Variants in DLGAP1 observed in about 807,000 individuals in gnomAD.
DLGAP1 encodes the protein disks large-associated protein 1.
A neutral mutation model predicts 90.8 loss-of-function variants in DLGAP1; 11 were observed. That is an observed-to-expected ratio of 0.12 (90% CI 0.08 to 0.20). The LOEUF (loss-of-function observed/expected upper bound fraction) is 0.20, where lower values mean the gene tolerates loss of function less well. DLGAP1 is among the 10% of genes least tolerant of loss of function. The pLI, the probability that DLGAP1 is intolerant of heterozygous loss-of-function variation, is 1.00. For synonymous variants in DLGAP1, 558 were observed against 540.7 expected (o/e 1.03, Z -0.44); for missense variants, 1,050 against 1,333.8 (o/e 0.79, Z 3.31).
At position 3,799,762 on chromosome 18, in the gene DLGAP1, CA is replaced by C. The variant is rs1349623916; in HGVS notation, c.1172+14296del. ...AGGCAGTTAATGGATTTACCTAATT[CA>C]AAACAAAACAAAACACCTATAAATT... On this transcript the variant is annotated intron_variant, in intron 5 of 12. Transcript: ENST00000315677. Among the ~76,000 whole-genome samples, 30 of 152,124 alleles carry C rather than the reference CA, an allele frequency of 2.0e-4. 1 individual carries two copies. The Middle Eastern group carries it at 0.01, about 52-fold the overall frequency.
At chr18:4,011,379 G>C (rs983911220) in intron 2 of DLGAP1, among the ~76,000 whole-genome samples, 1 of 152,042 alleles carries the variant, frequency 6.6e-6, no homozygotes. Context: ...GTAGGTAAAA[G>C]GCTGTTTAGA....
intron 3 of DLGAP1, among the ~76,000 whole-genome samples, chr18:3,889,382 C>A (rs2071402800): frequency 6.6e-6 from 1 of 152,084 alleles, no homozygotes; most frequent in Non-Finnish European, 1.5e-5. Flanking sequence ...TTCTATACAA[C>A]TTGTTTCACA....
chr18:3,734,463 T>G (rs2062564747), intron 6 of DLGAP1, among the ~76,000 whole-genome samples: 1 of 152,162 alleles, frequency 6.6e-6, no homozygotes, highest in Non-Finnish European at 1.5e-5. Flanking sequence ...CTAGTTCCTT[T>G]TTTTTTAGTG....
At chr18:3,939,284 T>C (rs2072712666) in intron 3 of DLGAP1, among the ~76,000 whole-genome samples, 2 of 151,286 alleles carry the variant, frequency 1.3e-5, no homozygotes, top group African/African-American at 4.9e-5. Flanking sequence ...CCCTGTGTGG[T>C]GGTGGGCACC....
chr18:3,742,946 T>TTATC (rs1359376005), intron 5 of DLGAP1, among the ~76,000 whole-genome samples: 15 of 119,382 alleles, frequency 1.3e-4, no homozygotes, highest in African/African-American at 5.3e-4. Context: ...ATCTATCAAT[T>TTATC]TATCTTCCTT....
chr18:4,413,146 C>T (rs191963555), intron 1 of DLGAP1, among the ~76,000 whole-genome samples: 12 of 152,128 alleles, frequency 7.9e-5, no homozygotes, highest in African/African-American at 2.9e-4. Flanking sequence ...ACCTCGTTAT[C>T]CATCTAGACA....
At chr18:3,960,243 G>C (rs2073170368) in intron 3 of DLGAP1, among the ~76,000 whole-genome samples, 1 of 152,104 alleles carries the variant, frequency 6.6e-6, no homozygotes, top group South Asian at 2.1e-4. Context: ...CTGACTCCTT[G>C]CTGCTTCCCC....
rs77999372 is a variant in DLGAP1, at chr18:3,690,094, GTTT to G, written c.1591+39038_1591+39040del. ...AACAGTACCCTGCGGGCTGGGTGAGGTTTTTTTTTTTTTTTTTTTTTTTTGACA... is the reference window on the plus strand; with the variant it reads ...AACAGTACCCTGCGGGCTGGGTGAGGTTTTTTTTTTTTTTTTTTTTTGACA... On this transcript the variant is annotated intron_variant, in intron 7 of 12. Transcript: ENST00000315677. Among the ~76,000 whole-genome samples the G allele has an allele frequency of 7.7e-3, 897 of 116,870 alleles. 15 individuals are homozygous for G. Among genetic ancestry groups the G allele is most frequent in the African/African-American group, 0.03 (861 of 28,404 alleles). The allele number at this position is 116,870 out of a possible 152,430, so 76.7% of individuals were successfully genotyped here.
intron 1 of DLGAP1, among the ~76,000 whole-genome samples, chr18:4,363,381 C>T (rs2081674413): frequency 6.6e-6 from 1 of 152,076 alleles, no homozygotes; most frequent in Admixed American, 6.6e-5. Flanking sequence ...AAGGTGGAAG[C>T]CACATTGGCT....
intron 7 of DLGAP1, among the ~76,000 whole-genome samples, chr18:3,626,297 G>GAA (rs61225561): frequency 7.8e-6 from 1 of 127,832 alleles, no homozygotes; most frequent in African/African-American, 2.8e-5. Context: ...TCTCAAAAAA[G>GAA]AAAAAAAAAA....
At chr18:3,731,753 T>C (rs2062439821) in intron 6 of DLGAP1, among the ~76,000 whole-genome samples, 1 of 152,106 alleles carries the variant, frequency 6.6e-6, no homozygotes, top group Admixed American at 6.6e-5. Context: ...CCTTTTATCC[T>C]TTTATTTTCA....
chr18:4,295,377 G>C (rs1052166211), intron 1 of DLGAP1: 1 of 152,150 alleles, frequency 6.6e-6, no homozygotes, highest in African/African-American at 2.4e-5. Flanking sequence ...AAGATTCTTA[G>C]ATGGGCCTCA....
At chr18:3,624,444 A>C (rs1334386766) in intron 7 of DLGAP1, among the ~76,000 whole-genome samples, 1 of 152,186 alleles carries the variant, frequency 6.6e-6, no homozygotes, top group Non-Finnish European at 1.5e-5. Flanking sequence ...TGACGACTGA[A>C]TGAAAGCATT....
In DLGAP1 at chr18:3,711,405, T is replaced by G. The variant is rs1254218438; in HGVS notation, c.1591+17730A>C. Among the ~76,000 whole-genome samples the G allele has an allele frequency of 1.3e-5, 2 of 152,190 alleles. No homozygotes were observed. The highest frequency in any genetic ancestry group is 4.8e-5 in the African/African-American group (2 of 41,442). On this transcript the variant is annotated intron_variant, in intron 7 of 12. Transcript: ENST00000315677. The surrounding 1 kb of genome is among the most constrained non-coding windows in gnomAD (Gnocchi z 4.0). ...TGTTTATAAAATGTATATGCCCAAT[T>G]AGTCTATTGGAACAAAAATAGAATG...
At chr18:4,071,139 T>C (rs1186008549) in intron 2 of DLGAP1, among the ~76,000 whole-genome samples, 1 of 152,182 alleles carries the variant, frequency 6.6e-6, no homozygotes, top group African/African-American at 2.4e-5. Context: ...TATATAATTC[T>C]ATAACTATGA....
intron 7 of DLGAP1, among the ~76,000 whole-genome samples, chr18:3,728,250 TA>T (rs1250652956): frequency 6.6e-6 from 1 of 150,610 alleles, no homozygotes; most frequent in Non-Finnish European, 1.5e-5. Context: ...AGTTCAATCA[TA>T]AAGTTAAGCC....
At chr18:3,957,128 C>T (rs1178869718) in intron 3 of DLGAP1, among the ~76,000 whole-genome samples, 2 of 152,130 alleles carry the variant, frequency 1.3e-5, no homozygotes, top group Non-Finnish European at 2.9e-5. Flanking sequence ...TTATCCTGGA[C>T]GATCCATGTG....
chr18:3,799,102 C>T (rs189416270), intron 5 of DLGAP1, among the ~76,000 whole-genome samples: 1 of 152,166 alleles, frequency 6.6e-6, no homozygotes, highest in African/African-American at 2.4e-5. Flanking sequence ...GTCTTGAACT[C>T]CTGACCTCGT....
intron 2 of DLGAP1, among the ~76,000 whole-genome samples, chr18:4,078,056 A>G (rs2075550118): frequency 6.6e-6 from 1 of 152,184 alleles, no homozygotes. Flanking sequence ...CAAGGTTAAG[A>G]GTTTTTTTCT....
Sources: gnomAD v4.1 joint callset for allele counts (sites outside exome capture counted in the v4.1 genomes callset) on GRCh38, gnomAD v4.1.1 for gene constraint, Gnocchi (gnomAD v3.1) non-coding constraint, MANE v1.5 for transcripts, NCBI Gene and HGNC (gene_info 2026-07-23, HGNC 2026-07-21) for gene names.